CPEB3: variants seen among roughly 807,000 people sequenced by gnomAD.
The protein encoded by CPEB3 is cytoplasmic polyadenylation element-binding protein 3.
A neutral mutation model predicts 67.2 loss-of-function variants in CPEB3; 20 were observed. The ratio of observed to expected loss-of-function variants is 0.30; its 90% CI spans 0.21 to 0.43. CPEB3 has a LOEUF of 0.43. CPEB3 is among the 20% of genes least tolerant of loss of function. The pLI is 1.00. For synonymous variants in CPEB3, 376 were observed against 393.1 expected (o/e 0.96, Z 0.51); for missense variants, 746 against 968.6 (o/e 0.77, Z 3.05).
chr10:92,224,270 G>C (rs1399389055), intron 2 of CPEB3, among the ~76,000 whole-genome samples: 1 of 152,102 alleles, frequency 6.6e-6, no homozygotes, highest in Non-Finnish European at 1.5e-5. Context: ...TCCCGAGTTT[G>C]GTTCCTGACA....
chr10:92,149,667 A>G (rs1846865238), intron 4 of CPEB3, among the ~76,000 whole-genome samples: 1 of 152,216 alleles, frequency 6.6e-6, no homozygotes, highest in South Asian at 2.1e-4. Flanking sequence ...AGTACGATAG[A>G]CGTTAGCAAT....
At chr10:92,286,735 T>C (rs1842545147) in intron 1 of CPEB3, among the ~76,000 whole-genome samples, 1 of 152,158 alleles carries the variant, frequency 6.6e-6, no homozygotes, top group South Asian at 2.1e-4. Flanking sequence ...ATCACCAAAT[T>C]TGGCAATTGA....
intron 9 of CPEB3, among the ~76,000 whole-genome samples, chr10:92,071,235 T>C (rs1842741250): frequency 6.6e-6 from 1 of 152,196 alleles, no homozygotes; most frequent in African/African-American, 2.4e-5. Context: ...ATAACCAATG[T>C]CTACTGCATG....
intron 4 of CPEB3, among the ~76,000 whole-genome samples, chr10:92,169,313 A>G (rs1847897775): frequency 6.6e-6 from 1 of 151,556 alleles, no homozygotes; most frequent in South Asian, 2.1e-4. Context: ...TAATTTTTGT[A>G]TTTTTAGTAA....
At chr10:92,280,929 T>C (rs1195065807) in intron 1 of CPEB3, among the ~76,000 whole-genome samples, 1 of 151,230 alleles carries the variant, frequency 6.6e-6, no homozygotes, top group Non-Finnish European at 1.5e-5. Context: ...CCGGCTAATT[T>C]TTGCATTATT....
intron 1 of CPEB3, among the ~76,000 whole-genome samples, chr10:92,245,382 C>T (rs564147865): frequency 6.6e-6 from 1 of 152,072 alleles, no homozygotes; most frequent in East Asian, 1.9e-4. Context: ...GTGATTTGCC[C>T]ACCTCGGCCT....
intron 2 of CPEB3, among the ~76,000 whole-genome samples, chr10:92,224,028 G>A (rs1161265237): frequency 6.6e-6 from 1 of 152,054 alleles, no homozygotes; most frequent in Non-Finnish European, 1.5e-5. Context: ...GCCTCCCAAA[G>A]TGCTGGGATT....
At chr10:92,067,180 T>C (rs1432259213) in intron 9 of CPEB3, among the ~76,000 whole-genome samples, 2 of 152,056 alleles carry the variant, frequency 1.3e-5, no homozygotes, top group African/African-American at 4.8e-5. Context: ...TGCTGTTGTT[T>C]AGAAAGCAGA....
intron 2 of CPEB3, among the ~76,000 whole-genome samples, chr10:92,194,769 C>T (rs1329810925): frequency 2.6e-5 from 4 of 152,016 alleles, no homozygotes; most frequent in African/African-American, 4.8e-5. Flanking sequence ...GAGCCAGGCA[C>T]GGTGGCTCAC....
intron 2 of CPEB3, among the ~76,000 whole-genome samples, chr10:92,233,983 T>C (rs1311046267): frequency 1.3e-5 from 2 of 151,928 alleles, no homozygotes; most frequent in Non-Finnish European, 2.9e-5. Context: ...GGCACGTGCC[T>C]GTAGTCCCAG....
intron 1 of CPEB3, among the ~76,000 whole-genome samples, chr10:92,265,531 T>C (rs539334830): frequency 1.9e-4 from 29 of 151,802 alleles, no homozygotes; most frequent in African/African-American, 6.8e-4. Flanking sequence ...CCGAGGCAGG[T>C]GGATCACCTG....
chr10:92,171,146 A>T (rs1247624489), intron 4 of CPEB3, among the ~76,000 whole-genome samples: 1 of 152,198 alleles, frequency 6.6e-6, no homozygotes, highest in Admixed American at 6.5e-5. Context: ...TCCTTCACAG[A>T]AGAAAGTTAT....
intron 7 of CPEB3, among the ~76,000 whole-genome samples, chr10:92,106,982 A>G (rs1272151998): frequency 1.3e-5 from 2 of 152,002 alleles, no homozygotes; most frequent in Non-Finnish European, 2.9e-5. Context: ...TTGAAGCCAG[A>G]TTGGGAAGGT....
At chr10:92,088,225 ATT>A (rs374452327) in intron 8 of CPEB3, among the ~76,000 whole-genome samples, 30 of 126,266 alleles carry the variant, frequency 2.4e-4, no homozygotes, top group Admixed American at 4.2e-4. Context: ...TTCCAACCTA[ATT>A]TTTTTTTTTT....
chr10:92,063,686 C>T (rs1242621630), intron 9 of CPEB3, among the ~76,000 whole-genome samples: 1 of 152,020 alleles, frequency 6.6e-6, no homozygotes, highest in Non-Finnish European at 1.5e-5. Flanking sequence ...ATAGCTTGAA[C>T]CCAGGAGGCA....
intron 4 of CPEB3, among the ~76,000 whole-genome samples, chr10:92,146,067 AACC>A (rs1846664788): frequency 6.6e-6 from 1 of 152,230 alleles, no homozygotes; most frequent in Non-Finnish European, 1.5e-5. Context: ...TGAAACCCTT[AACC>A]CTACTAATCT....
chr10:92,259,461 C>T (rs540825177), intron 1 of CPEB3, among the ~76,000 whole-genome samples: 7 of 151,976 alleles, frequency 4.6e-5, no homozygotes, highest in East Asian at 3.9e-4. Context: ...ATTAGCCGGG[C>T]GTGGTGGCAC....
At chr10:92,217,360 T>C (rs979033364) in intron 2 of CPEB3, among the ~76,000 whole-genome samples, 1 of 151,934 alleles carries the variant, frequency 6.6e-6, no homozygotes, top group African/African-American at 2.4e-5. Context: ...ATTTAACATA[T>C]TTAATTGATT....
intron 8 of CPEB3, among the ~76,000 whole-genome samples, chr10:92,091,320 G>C (rs950129293): frequency 6.6e-6 from 1 of 152,064 alleles, no homozygotes; most frequent in Non-Finnish European, 1.5e-5. Context: ...GTTATTAGGA[G>C]GCTGATGTAC....
Sources: gnomAD v4.1 joint callset for allele counts (sites outside exome capture counted in the v4.1 genomes callset) on GRCh38, gnomAD v4.1.1 for gene constraint, MANE v1.5 for transcripts, NCBI Gene and HGNC (gene_info 2026-07-23, HGNC 2026-07-21) for gene names.